The following AKT1S1 variants were observed in gnomAD, a reference collection of about 807,000 sequenced individuals.
AKT1S1 encodes the protein proline-rich AKT1 substrate 1.
AKT1S1 carries 17 observed loss-of-function variants against 21.2 expected under a neutral mutation model. The observed-to-expected ratio is 0.80, with a 90% CI of 0.55 to 1.20. The LOEUF (loss-of-function observed/expected upper bound fraction) is 1.20, where lower values mean the gene tolerates loss of function less well. Among genes scored for constraint, AKT1S1 ranks in the 50% most tolerant of loss-of-function variants. The pLI is 0.00. For synonymous variants in AKT1S1, 181 were observed against 165.6 expected (o/e 1.09, Z -0.72); for missense variants, 366 against 368.3 (o/e 0.99, Z 0.05).
chr19:49,873,239 G>T lies in AKT1S1; in HGVS notation c.57C>A (p.Arg19=). Residue 19 remains arginine (R), a synonymous_variant, in exon 2 of 5, where the codon CGC becomes CGA. Transcript: ENST00000344175. The surrounding 1 kb of genome is among the most constrained non-coding windows in gnomAD (Gnocchi z 6.9). ...LWEAVVGAAE[R]FRARTGTELV... The stretch of plus-strand genomic sequence containing the variant: ...GCTCCGTGCCAGTCCGGGCCCGGAA[G>T]CGCTCAGCGGCCCCCACCACGGCCT... The T allele has an allele frequency of 6.5e-7, 1 of 1,536,088 alleles. No individual in the cohort carries two copies. Among genetic ancestry groups the T allele is most frequent in the Non-Finnish European group, 8.7e-7 (1 of 1,151,372 alleles).
In AKT1S1 at chr19:49,869,950, G is replaced by A; in HGVS notation, c.738C>T (p.Thr246=). The part of the protein sequence containing the change: ...FGDLPRPRLN[T]SDFQKLKRKY ...TCCGCTTCAGCTTCTGGAAGTCGCT[G>A]GTGTTAAGCCGCGGCCGTGGCAGGT... Residue 246 remains threonine, a synonymous_variant, in exon 5 of 5, where the codon ACC becomes ACT. Coordinates refer to ENST00000344175, the MANE Select transcript of AKT1S1 (RefSeq NM_001098633.4). 6.5e-7 allele frequency: 1 copy of A among 1,533,136 alleles called. No individual in the cohort carries two copies. The allele number at this position is 1,533,136 out of a possible 1,614,324, so 95.0% of individuals were successfully genotyped here.
At chr19:49,872,766 A>C in intron 2 of AKT1S1, 151 bp downstream of exon 2, 2 of 959,560 alleles carry the variant, frequency 2.1e-6, no homozygotes, top group Non-Finnish European at 3.0e-6. Flanking sequence ...TAGATCACAC[A>C]GCAAGCCCCA....
chr19:49,872,867 C>G, intron 2 of AKT1S1, 50 bp downstream of exon 2: 3 of 1,556,456 alleles, frequency 1.9e-6, no homozygotes, highest in Middle Eastern at 2.0e-4. Context: ...AAGCCTCCTG[C>G]GGGCACCTCA....
Position 49,873,202 on chromosome 19 carries a change from T to C in AKT1S1, c.94A>G (p.Thr32Ala). 6.5e-7 allele frequency: 1 copy of C among 1,531,138 alleles called. No individual in the cohort carries two copies. The highest frequency in any genetic ancestry group is 8.7e-7 in the Non-Finnish European group (1 of 1,147,104). 94.8% of individuals were successfully genotyped at this position (1,531,138 alleles called of 1,614,324 possible). ...ARTGTELVLL[T>A]AAPPPPPRPG... ...CGGGGTGGTGGCGGCGGGGCCGCGGTCAGCAGCACCAGCTCCGTGCCAGTC... is the reference window on the plus strand; with the variant it reads ...CGGGGTGGTGGCGGCGGGGCCGCGGCCAGCAGCACCAGCTCCGTGCCAGTC... The change falls in exon 2 of 5, where the codon ACC becomes GCC. Residue 32 changes from threonine (T) to alanine (A), a missense_variant. Coordinates refer to ENST00000344175, the MANE Select transcript of AKT1S1 (RefSeq NM_001098633.4). This position sits in a 1 kb window ranked among gnomAD's most constrained non-coding sequence, Gnocchi z 6.9.
intron 1 of AKT1S1, chr19:49,874,159 C>T (rs1198562044): frequency 6.6e-6 from 1 of 152,388 alleles, no homozygotes; most frequent in Non-Finnish European, 1.5e-5. Context: ...CCATTCCCCA[C>T]CAACCTTTCA....
intron 1 of AKT1S1, chr19:49,876,284 C>T (rs1423110575): frequency 8.5e-7 from 1 of 1,176,866 alleles, no homozygotes; most frequent in Non-Finnish European, 1.0e-6. Context: ...GGAAGTCCCG[C>T]CTTTGGACGG....
chr19:49,871,456 G>A (rs2074882195), intron 4 of AKT1S1, 91 bp downstream of exon 4: 3 of 1,540,318 alleles, frequency 1.9e-6, no homozygotes. Context: ...CTTATGGGTG[G>A]AAAGCAGCAT....
chr19:49,876,763 T>G, intron 1 of AKT1S1: 1 of 1,290,196 alleles, frequency 7.8e-7, no homozygotes. Flanking sequence ...AGGGGCTTCA[T>G]CCGAACCAGT....
At position 49,871,964 on chromosome 19, in the gene AKT1S1, C is replaced by T. The variant is rs537079778; in HGVS notation, c.380-75G>A. On this transcript the variant is annotated intron_variant, in intron 2 of 4. Transcript: ENST00000344175. ...CTCCATGTGTCCTCCTCCTCAGCCA[C>T]GGCCACTGCCACAGCCACCACCTCC... 9.3e-5 allele frequency: 136 copies of T among 1,461,878 alleles called. 1 individual carries two copies. In the South Asian group the frequency reaches 1.3e-3, roughly 13 times the overall value. 90.6% of individuals were successfully genotyped at this position (1,461,878 alleles called of 1,614,324 possible). A position where few individuals can be genotyped will look rare whatever the true frequency, so the allele number is the denominator to read the frequency against.
At chr19:49,871,772 C>T in intron 3 of AKT1S1, 40 bp downstream of exon 3, 1 of 1,611,134 alleles carries the variant, frequency 6.2e-7, no homozygotes, top group Non-Finnish European at 8.5e-7. Context: ...GGCCGTGTGC[C>T]TGCCCTCAGG....
chr19:49,873,487 C>T lies in AKT1S1; in HGVS notation c.-7-185G>A. Reference sequence around the variant, plus strand: ...ATTCTCACCATCCAGTCCTCGCAGGCCCAGACCCTGGCGACGTCCTCTGCC... The same window carrying T: ...ATTCTCACCATCCAGTCCTCGCAGGTCCAGACCCTGGCGACGTCCTCTGCC... On this transcript the variant is annotated intron_variant, in intron 1 of 4. Coordinates refer to ENST00000344175, the MANE Select transcript of AKT1S1 (RefSeq NM_001098633.4). The surrounding 1 kb of genome is among the most constrained non-coding windows in gnomAD (Gnocchi z 6.9). The T allele has an allele frequency of 8.6e-7, 1 of 1,162,512 alleles. No homozygotes were observed. The highest frequency in any genetic ancestry group is 1.6e-5 in the African/African-American group (1 of 60,948). The allele number at this position is 1,162,512 out of a possible 1,614,324, so 72.0% of individuals were successfully genotyped here. A position where few individuals can be genotyped will look rare whatever the true frequency, so the allele number is the denominator to read the frequency against.
chr19:49,871,005 G>A (rs2074877543), intron 4 of AKT1S1, among the ~76,000 whole-genome samples: 1 of 152,164 alleles, frequency 6.6e-6, no homozygotes, highest in African/African-American at 2.4e-5. Flanking sequence ...ACACACCTGG[G>A]TTCCAGTCCC....
chr19:49,877,097 C>CA, intron 1 of AKT1S1, 140 bp downstream of exon 1: 1 of 173,810 alleles, frequency 5.8e-6, no homozygotes. Flanking sequence ...TGCCAGGCTT[C>CA]AAAATGGCGG....
At chr19:49,876,042 G>A (rs73068083) in intron 1 of AKT1S1, 56 of 985,486 alleles carry the variant, frequency 5.7e-5, no homozygotes, top group Non-Finnish European at 6.4e-5. Flanking sequence ...TGGATGCAGG[G>A]AGGAGGGAAA....
At chr19:49,874,996 A>G (rs895384627) in intron 1 of AKT1S1, 1 of 152,290 alleles carries the variant, frequency 6.6e-6, no homozygotes, top group Non-Finnish European at 1.5e-5. Flanking sequence ...TCAAAGCCCC[A>G]AGGGAAGGAA....
Position 49,873,015 on chromosome 19 carries a change from G to T in AKT1S1, c.281C>A (p.Pro94His). ...PQPPSPTPSP[P>H]RPTLAREDNE... ...GTCCTCTCTGGCCAGGGTAGGCCGG[G>T]GTGGGCTGGGTGTGGGACTGGGTGG... Residue 94 changes from proline (P) to histidine (H), a missense_variant, in exon 2 of 5, where the codon CCC becomes CAC. Physicochemically the swap from Pro to His is moderately conservative, Grantham distance 77. Coordinates refer to ENST00000344175, the MANE Select transcript of AKT1S1 (RefSeq NM_001098633.4). The surrounding 1 kb of genome is among the most constrained non-coding windows in gnomAD (Gnocchi z 6.9). 6.4e-7 allele frequency: 1 copy of T among 1,568,468 alleles called. No homozygotes were observed. The highest frequency in any genetic ancestry group is 1.9e-5 in the Admixed American group (1 of 53,396).
intron 1 of AKT1S1, chr19:49,876,183 C>T: frequency 2.0e-6 from 2 of 1,011,818 alleles, no homozygotes; most frequent in East Asian, 9.2e-5. Context: ...GCTCAGCTGC[C>T]CCGAGACCTC....
chr19:49,876,959 TAAC>T (rs2074955285), intron 1 of AKT1S1: 1 of 362,318 alleles, frequency 2.8e-6, no homozygotes, highest in Non-Finnish European at 5.0e-6. Flanking sequence ...CGGTGCTCGT[TAAC>T]AACATGGCAG....
intron 2 of AKT1S1, among the ~76,000 whole-genome samples, chr19:49,872,460 C>A (rs372159873): frequency 4.6e-5 from 7 of 152,168 alleles, no homozygotes; most frequent in African/African-American, 1.7e-4. Context: ...TGCCCGACCC[C>A]CAAATTCCCC....
Sources: allele counts gnomAD v4.1 joint callset (sites outside exome capture counted in the v4.1 genomes callset), GRCh38; gene constraint gnomAD v4.1.1; non-coding constraint Gnocchi (gnomAD v3.1); transcripts MANE v1.5; gene names NCBI Gene and HGNC (gene_info 2026-07-23, HGNC 2026-07-21).